Variants in TRIQK observed in about 807,000 individuals in gnomAD.
TRIQK encodes the protein triple QxxK/R motif containing.
A neutral mutation model predicts 10.8 loss-of-function variants in TRIQK; 10 were observed. That is an observed-to-expected ratio of 0.92 (90% CI 0.57 to 1.57). The LOEUF (loss-of-function observed/expected upper bound fraction) is 1.57. Among genes scored for constraint, TRIQK ranks in the 40% most tolerant of loss-of-function variants. The pLI, the probability that TRIQK is intolerant of heterozygous loss-of-function variation, is 0.00. For synonymous variants in TRIQK, 33 were observed against 33.7 expected (o/e 0.98, Z 0.07); for missense variants, 107 against 97.7 (o/e 1.09, Z -0.40).
rs375829564 is a variant in TRIQK at position 92,951,090 on chromosome 8, T to C, written c.-22+3316A>G. 1.2e-4 allele frequency among the ~76,000 whole-genome samples: 19 copies of C among 152,246 alleles called. No individual in the cohort carries two copies. The East Asian group carries it at 2.7e-3, about 22-fold the overall frequency. On this transcript the variant is annotated intron_variant, in intron 2 of 4. Transcript: ENST00000521988. ...CTATGTAAACAATTGTTTTACTGTA[T>C]TTTTCTGTTATTTTTTTATTGTTGT... is the stretch of plus-strand genomic sequence containing the variant.
At chr8:92,922,813 C>A (rs1221408345) in intron 2 of TRIQK, among the ~76,000 whole-genome samples, 1 of 151,470 alleles carries the variant, frequency 6.6e-6, no homozygotes, top group East Asian at 1.9e-4. Context: ...GAATTTCAAC[C>A]AAGATACATT....
At chr8:92,962,587 A>G (rs192312688) in intron 1 of TRIQK, among the ~76,000 whole-genome samples, 28 of 152,318 alleles carry the variant, frequency 1.8e-4, no homozygotes, top group African/African-American at 6.7e-4. Context: ...AATACCCCAG[A>G]GGTGTCACCC....
chr8:92,885,317 G>T lies in TRIQK; in HGVS notation c.*1305C>A. 2 of 189,034 alleles carry T rather than the reference G, an allele frequency of 1.1e-5. No homozygotes were observed. Among genetic ancestry groups the T allele is most frequent in the East Asian group, 1.3e-4 (1 of 7,884 alleles). The allele number at this position is 189,034 out of a possible 1,614,324, so 11.7% of individuals were successfully genotyped here. On this transcript the variant is annotated 3_prime_UTR_variant, in exon 5 of 5. Transcript: ENST00000521988. ...CATATACTCCTTAGATATTTCCCAA[G>T]GATTTCTTCTCTTGGCTAGCAGGAA...
At chr8:93,003,309 G>GGAGAGAGAGAGA (rs71565204) in intron 1 of TRIQK, among the ~76,000 whole-genome samples, 5,042 of 135,408 alleles carry the variant, frequency 0.037, 136 homozygotes, top group African/African-American at 0.062. Flanking sequence ...CCCGCTTACA[G>GGAGAGAGAGAGA]GAGAGAGAGA....
At chr8:92,911,184 T>G (rs894488498) in intron 3 of TRIQK, among the ~76,000 whole-genome samples, 2 of 151,204 alleles carry the variant, frequency 1.3e-5, no homozygotes, top group African/African-American at 4.8e-5. Context: ...TAGCTTAAAA[T>G]AGACTGTTAA....
At chr8:92,939,605 C>T (rs144509771) in intron 2 of TRIQK, among the ~76,000 whole-genome samples, 1 of 152,214 alleles carries the variant, frequency 6.6e-6, no homozygotes, top group Non-Finnish European at 1.5e-5. Flanking sequence ...TCCTCCTCCA[C>T]AGATCTCAGA....
chr8:92,996,262 T>C (rs1266111805), intron 1 of TRIQK, among the ~76,000 whole-genome samples: 3 of 152,122 alleles, frequency 2.0e-5, no homozygotes, highest in Non-Finnish European at 4.4e-5. Flanking sequence ...CTGTTTTCTA[T>C]TCTTTCAAAA....
chr8:92,978,807 T>C (rs531710996), intron 1 of TRIQK, among the ~76,000 whole-genome samples: 6 of 152,246 alleles, frequency 3.9e-5, no homozygotes, highest in African/African-American at 1.4e-4. Context: ...ATTCTTACTA[T>C]ATTTTCCAAC....
intron 1 of TRIQK, among the ~76,000 whole-genome samples, chr8:93,001,107 A>C (rs903181071): frequency 6.6e-6 from 1 of 152,096 alleles, no homozygotes; most frequent in Non-Finnish European, 1.5e-5. Flanking sequence ...GGAGATCAAG[A>C]CCATCCTGGC....
chr8:93,001,378 G>A (rs968810730), intron 1 of TRIQK, among the ~76,000 whole-genome samples: 21 of 150,832 alleles, frequency 1.4e-4, no homozygotes, highest in Admixed American at 3.3e-4. Context: ...AGTATATACC[G>A]CCTACAAAAG....
chr8:92,958,189 T>A lies in TRIQK; in HGVS notation c.-180-3625A>T, dbSNP rs143497652. ...GATTAGGCCCCAATCACTAAACTTCTTTTGATTTTCCAATCACAAGAACCC... is the reference window on the plus strand; with the variant it reads ...GATTAGGCCCCAATCACTAAACTTCATTTGATTTTCCAATCACAAGAACCC... On this transcript the variant is annotated intron_variant, in intron 1 of 4. Coordinates refer to ENST00000521988, the MANE Select transcript of TRIQK (RefSeq NM_001171797.2). Among the ~76,000 whole-genome samples, 1,462 of 152,050 alleles carry A rather than the reference T, an allele frequency of 9.6e-3. 13 individuals carry two copies. The highest frequency in any genetic ancestry group is 0.016 in the Non-Finnish European group (1,071 of 67,874).
intron 1 of TRIQK, among the ~76,000 whole-genome samples, chr8:92,986,916 A>G (rs1011552713): frequency 1.3e-5 from 2 of 152,178 alleles, no homozygotes; most frequent in African/African-American, 4.8e-5. Context: ...AAAGAAATGA[A>G]ATCATATCTT....
intron 1 of TRIQK, among the ~76,000 whole-genome samples, chr8:92,977,249 G>C (rs185463420): frequency 6.6e-6 from 1 of 151,918 alleles, no homozygotes; most frequent in African/African-American, 2.4e-5. Context: ...ATTTTTGCTG[G>C]GTATATAATT....
intron 2 of TRIQK, among the ~76,000 whole-genome samples, chr8:92,941,683 C>G (rs986407313): frequency 1.2e-4 from 18 of 151,992 alleles, no homozygotes; most frequent in African/African-American, 4.3e-4. Context: ...AATTAACAAA[C>G]TCTTAGCCAA....
Position 92,899,110 on chromosome 8 carries a change from A to G in TRIQK, c.62-7036T>C, listed in dbSNP as rs577061039. ...CTGATTCTCCTGCCTCAGCCTCCCA[A>G]GTAACTGGGTTTACAGGCACATGAC... On this transcript the variant is annotated intron_variant, in intron 3 of 4. Transcript: ENST00000521988. Among the ~76,000 whole-genome samples the G allele has an allele frequency of 6.0e-5, 9 of 150,774 alleles. No individual in the cohort carries two copies. The South Asian group carries it at 1.5e-3, about 25-fold the overall frequency.
intron 4 of TRIQK, among the ~76,000 whole-genome samples, chr8:92,888,283 G>A (rs1033188006): frequency 2.0e-5 from 3 of 151,586 alleles, no homozygotes; most frequent in African/African-American, 4.8e-5. Context: ...TTGATAATCA[G>A]TTCTAATTGC....
intron 3 of TRIQK, among the ~76,000 whole-genome samples, chr8:92,893,610 T>C (rs1816867939): frequency 6.6e-6 from 1 of 152,042 alleles, no homozygotes; most frequent in Non-Finnish European, 1.5e-5. Flanking sequence ...AAAAAAATCT[T>C]GACAAGTGTT....
In TRIQK at chr8:92,884,585, C is replaced by A; in HGVS notation, c.*2037G>T. On this transcript the variant is annotated 3_prime_UTR_variant, in exon 5 of 5. Coordinates refer to ENST00000521988, the MANE Select transcript of TRIQK (RefSeq NM_001171797.2). Reference sequence around the variant, plus strand: ...AAAAACATTTTTCCCCAAAAAATACCTCAAGGGTAAAACAGAATGGTAAAG... The same window carrying A: ...AAAAACATTTTTCCCCAAAAAATACATCAAGGGTAAAACAGAATGGTAAAG... The A allele has an allele frequency of 9.8e-6, 3 of 306,920 alleles. No individual in the cohort carries two copies. The highest frequency in any genetic ancestry group is 2.9e-5 in the South Asian group (1 of 34,636). The allele number at this position is 306,920 out of a possible 1,614,324, so 19.0% of individuals were successfully genotyped here.
intron 1 of TRIQK, among the ~76,000 whole-genome samples, chr8:92,959,480 T>TACACACACACACACACACAC (rs34816958): frequency 1.4e-5 from 2 of 143,628 alleles, no homozygotes; most frequent in Non-Finnish European, 3.1e-5. Context: ...TATATATGCA[T>TACACACACACACACACACAC]ACACACACAC....
Sources: gnomAD v4.1 joint callset for allele counts (sites outside exome capture counted in the v4.1 genomes callset) on GRCh38, gnomAD v4.1.1 for gene constraint, MANE v1.5 for transcripts, NCBI Gene and HGNC (gene_info 2026-07-23, HGNC 2026-07-21) for gene names.